PDE1A: variants seen among roughly 807,000 people sequenced by gnomAD.
PDE1A encodes phosphodiesterase 1A.
Under a neutral mutation model 61.7 loss-of-function variants are expected in PDE1A, and 35 were observed. That is an observed-to-expected ratio of 0.57 (90% confidence interval 0.43 to 0.75). The LOEUF (loss-of-function observed/expected upper bound fraction) is 0.75, where lower values mean the gene tolerates loss of function less well. Among genes scored for constraint, PDE1A ranks in the 30% least tolerant of loss-of-function variants. The pLI is 0.00. For missense variants in PDE1A, 597 were observed against 630.6 expected (o/e 0.95, Z 0.57); for synonymous variants, 232 against 213.2 (o/e 1.09, Z -0.77).
the PDE1A span, among the ~76,000 whole-genome samples, chr2:182,553,103 C>A: frequency 7.9e-5 from 12 of 152,234 alleles, no homozygotes; most frequent in African/African-American, 2.9e-4. Flanking sequence ...CTGGACTCCA[C>A]GGTTCTCTTC....
At chr2:182,697,425 T>A in the PDE1A span, among the ~76,000 whole-genome samples, 1 of 152,226 alleles carries the variant, frequency 6.6e-6, no homozygotes, top group African/African-American at 2.4e-5. Flanking sequence ...GAGTGAGGGA[T>A]CTGAATCCTA....
At chr2:182,579,902 T>G in the PDE1A span, among the ~76,000 whole-genome samples, 1 of 152,198 alleles carries the variant, frequency 6.6e-6, no homozygotes, top group East Asian at 1.9e-4. Flanking sequence ...AATGTCTAGC[T>G]AACTCTTCTT....
At chr2:182,181,059 T>C (rs776498032) in intron 13 of PDE1A, among the ~76,000 whole-genome samples, 5 of 152,044 alleles carry the variant, frequency 3.3e-5, no homozygotes, top group African/African-American at 7.2e-5. Flanking sequence ...CAGAGTTTGT[T>C]ATTACCCACC....
intron 1 of PDE1A, among the ~76,000 whole-genome samples, chr2:182,362,993 C>A (rs914518704): frequency 6.6e-6 from 1 of 151,886 alleles, no homozygotes; most frequent in Admixed American, 6.6e-5. Flanking sequence ...CAGGTTCTCA[C>A]AAGTGGGAGC....
chr2:182,695,209 G>GA, the PDE1A span, among the ~76,000 whole-genome samples: 1 of 152,022 alleles, frequency 6.6e-6, no homozygotes, highest in Non-Finnish European at 1.5e-5. Flanking sequence ...AAAAGGCTGA[G>GA]AAAACTGAAA....
At chr2:182,583,516 T>A in the PDE1A span, among the ~76,000 whole-genome samples, 3 of 152,172 alleles carry the variant, frequency 2.0e-5, no homozygotes, top group African/African-American at 7.2e-5. Context: ...CCTCCTGTCA[T>A]GAAGATATGG....
intron 1 of PDE1A, among the ~76,000 whole-genome samples, chr2:182,269,607 A>G (rs1692877802): frequency 6.6e-6 from 1 of 152,254 alleles, no homozygotes; most frequent in African/African-American, 2.4e-5. Flanking sequence ...ATTCTAGGTG[A>G]CCAAATTATT....
At chr2:182,572,602 G>C in the PDE1A span, among the ~76,000 whole-genome samples, 70 of 152,268 alleles carry the variant, frequency 4.6e-4, no homozygotes, top group South Asian at 4.8e-3. Flanking sequence ...TGAAAGATAG[G>C]CCAGGCGCGG....
rs563052634 is a variant in PDE1A at position 182,199,477 on chromosome 2, T to G, written c.1125+1962A>C. ...AAATTTCCCCTAAGCACTGCTTCAG[T>G]TGCATCCAACAATTTTCAAATATTA... On this transcript the variant is annotated intron_variant, in intron 10 of 13. Coordinates refer to ENST00000351439, the Ensembl canonical transcript of PDE1A. Among the ~76,000 whole-genome samples, 7 of 152,054 alleles carry G rather than the reference T, an allele frequency of 4.6e-5. 1 individual carries two copies. The highest frequency in any genetic ancestry group is 1.0e-4 in the Non-Finnish European group (7 of 67,916).
Position 182,335,338 on chromosome 2 carries a change from G to A in PDE1A, c.54-70924C>T, listed in dbSNP as rs187930791. 2.2e-3 allele frequency among the ~76,000 whole-genome samples: 341 copies of A among 152,248 alleles called. 2 individuals are homozygous for A. The highest frequency in any genetic ancestry group is 7.7e-3 in the African/African-American group (319 of 41,550). ...ATCCTAAGCAAAAAGAACAAAGCTG[G>A]AGGCATCACGCTACCTGACTTCAAA... On this transcript the variant is annotated intron_variant, in intron 1 of 13. Coordinates refer to ENST00000351439, the Ensembl canonical transcript of PDE1A.
intron 1 of PDE1A, among the ~76,000 whole-genome samples, chr2:182,348,142 T>C (rs1698633269): frequency 6.6e-6 from 1 of 152,188 alleles, no homozygotes; most frequent in African/African-American, 2.4e-5. Flanking sequence ...TAATCACAGA[T>C]CTTTAAGAAA....
At chr2:182,515,915 A>T (rs1451785889) in intron 2 of PDE1A, among the ~76,000 whole-genome samples, 1 of 151,092 alleles carries the variant, frequency 6.6e-6, no homozygotes, top group Non-Finnish European at 1.5e-5. Flanking sequence ...AGAGTGAGGC[A>T]GGGCTTCACC....
the PDE1A span, among the ~76,000 whole-genome samples, chr2:182,694,478 T>C: frequency 6.6e-6 from 1 of 152,194 alleles, no homozygotes; most frequent in African/African-American, 2.4e-5. Context: ...TAACGAAGCC[T>C]ACTCTCATCT....
the PDE1A span, among the ~76,000 whole-genome samples, chr2:182,604,714 G>A: frequency 2.0e-5 from 3 of 152,114 alleles, no homozygotes; most frequent in Admixed American, 1.3e-4. Context: ...GAAAATGCAT[G>A]CCATATATAT....
downstream of PDE1A, among the ~76,000 whole-genome samples, chr2:182,165,134 ACT>A (rs1691588647): frequency 6.6e-6 from 1 of 152,136 alleles, no homozygotes; most frequent in African/African-American, 2.4e-5. Flanking sequence ...AATATATGGT[ACT>A]GTTTCTCCCA....
upstream of PDE1A, among the ~76,000 whole-genome samples, chr2:182,525,724 C>A (rs1690766965): frequency 6.6e-6 from 1 of 152,116 alleles, no homozygotes; most frequent in South Asian, 2.1e-4. Flanking sequence ...TCAGATATTT[C>A]TTTATAGCAA....
chr2:182,466,475 T>C (rs1477128720), intron 2 of PDE1A, among the ~76,000 whole-genome samples: 2 of 151,974 alleles, frequency 1.3e-5, no homozygotes, highest in African/African-American at 4.8e-5. Context: ...TTGGGGAAAT[T>C]GAGGAGTGGC....
the PDE1A span, among the ~76,000 whole-genome samples, chr2:182,607,113 GGTTA>G: frequency 6.6e-6 from 1 of 152,140 alleles, no homozygotes; most frequent in African/African-American, 2.4e-5. Context: ...AGAAGCAGGT[GGTTA>G]GTTAGGCAAT....
rs1297528928 is a variant in PDE1A, at chr2:182,308,410, G to C, written c.54-43996C>G. On this transcript the variant is annotated intron_variant, in intron 1 of 13. Transcript: ENST00000351439. ...ATTGAAGTGCCAAATAAAATACATT[G>C]CTGTAAATCTCTTTTAAAGTCCGAA... 2.0e-5 allele frequency among the ~76,000 whole-genome samples: 3 copies of C among 152,032 alleles called. No individual in the cohort carries two copies. The East Asian group carries it at 5.8e-4, about 29-fold the overall frequency.
Sources: allele counts gnomAD v4.1 joint callset (sites outside exome capture counted in the v4.1 genomes callset), GRCh38; gene constraint gnomAD v4.1.1; transcripts MANE v1.5; gene names NCBI Gene and HGNC (gene_info 2026-07-23, HGNC 2026-07-21).